Variants in HSPBAP1 observed in about 807,000 individuals in gnomAD.
HSPBAP1 encodes HSPB1-associated protein 1.
In HSPBAP1, 27 loss-of-function variants were observed where a neutral mutation model predicts 45.2. The observed-to-expected ratio is 0.60, with a 90% CI of 0.44 to 0.82. The LOEUF (loss-of-function observed/expected upper bound fraction) is 0.82. Ranked by LOEUF, HSPBAP1 falls within the 40% of genes least tolerant of loss-of-function variation. The pLI, the probability that HSPBAP1 is intolerant of heterozygous loss-of-function variation, is 0.00. For missense variants in HSPBAP1, 510 were observed against 590.9 expected, an observed-to-expected ratio of 0.86 and a Z score of 1.42; for synonymous variants, 204 against 202.7, an observed-to-expected ratio of 1.01 and a Z score of -0.06.
At chr3:122,789,797 C>G (rs573564398) in intron 1 of HSPBAP1, among the ~76,000 whole-genome samples, 5 of 152,256 alleles carry the variant, frequency 3.3e-5, no homozygotes, top group African/African-American at 1.2e-4. Context: ...CTTTCCTGCT[C>G]CCAAGCACTG....
At chr3:122,746,807 C>A (rs1426823213) in intron 6 of HSPBAP1, among the ~76,000 whole-genome samples, 1 of 152,198 alleles carries the variant, frequency 6.6e-6, no homozygotes, top group Non-Finnish European at 1.5e-5. Context: ...CGCGCGCCGC[C>A]ACGCCTGGCT....
rs1444148017 is a variant in HSPBAP1, at chr3:122,780,212, G to A, written c.65-2306C>T. The stretch of plus-strand genomic sequence containing the variant: ...TGACCCCCCCACCTCCCTCCCGGAC[G>A]GGGCGGCTGGCCGGGCGGGGGGCTG... On this transcript the variant is annotated intron_variant, in intron 1 of 7. Transcript: ENST00000306103. Among the ~76,000 whole-genome samples, 24 of 81,048 alleles carry A rather than the reference G, an allele frequency of 3.0e-4. 1 individual carries two copies. Among genetic ancestry groups the A allele is most frequent in the Non-Finnish European group, 4.9e-4 (17 of 34,756 alleles). The allele number at this position is 81,048 out of a possible 152,430, so 53.2% of individuals were successfully genotyped here. A position where few individuals can be genotyped will look rare whatever the true frequency, so the allele number is the denominator to read the frequency against.
chr3:122,759,185 C>CCA (rs10657578), intron 4 of HSPBAP1, 39 bp downstream of exon 4: 274,420 of 1,385,518 alleles, frequency 0.2, 2,519 homozygotes, highest in South Asian at 0.22. Context: ...CATGTGCGTT[C>CCA]CACACACACA....
In HSPBAP1 at chr3:122,761,576, C is replaced by A. The variant is rs576754727; in HGVS notation, c.433-2216G>T. ...CCTGGGTCCAGGAGTTCAAGACCAGCGTGGGCAATGTTTGGTGAGGCTCTG... is the reference window on the plus strand; with the variant it reads ...CCTGGGTCCAGGAGTTCAAGACCAGAGTGGGCAATGTTTGGTGAGGCTCTG... On this transcript the variant is annotated intron_variant, in intron 3 of 7. Transcript: ENST00000306103. The A allele has an allele frequency of 2.0e-5, 3 of 149,484 alleles. No homozygotes were observed. In the South Asian group the frequency reaches 6.4e-4, roughly 32 times the overall value. The allele number at this position is 149,484 out of a possible 1,614,324, so 9.3% of individuals were successfully genotyped here.
intron 6 of HSPBAP1, among the ~76,000 whole-genome samples, chr3:122,746,009 G>A (rs1472131155): frequency 6.6e-6 from 1 of 152,214 alleles, no homozygotes; most frequent in Non-Finnish European, 1.5e-5. Context: ...GAACAGAAAA[G>A]TGTTGACTGA....
chr3:122,792,659 G>A (rs869130), intron 1 of HSPBAP1, among the ~76,000 whole-genome samples: 65,875 of 146,962 alleles, frequency 0.45, 15,499 homozygotes, highest in Non-Finnish European at 0.56. Context: ...CGGATCACAA[G>A]GTCAAGAGAG....
intron 1 of HSPBAP1, among the ~76,000 whole-genome samples, chr3:122,792,340 CA>C (rs1373960531): frequency 6.6e-6 from 1 of 152,078 alleles, no homozygotes; most frequent in Non-Finnish European, 1.5e-5. Flanking sequence ...GAAAAAAGTG[CA>C]GGAAGGGACA....
At chr3:122,759,411 A>G (rs1424174732) in intron 3 of HSPBAP1, 51 bp from the exon 4 acceptor site, 1 of 1,565,458 alleles carries the variant, frequency 6.4e-7, no homozygotes, top group Non-Finnish European at 8.7e-7. Flanking sequence ...ACTTCTCTGT[A>G]TGGTAATGCT....
intron 1 of HSPBAP1, among the ~76,000 whole-genome samples, chr3:122,781,425 C>T (rs545291581): frequency 9.0e-4 from 136 of 151,834 alleles, no homozygotes; most frequent in African/African-American, 3.1e-3. Flanking sequence ...CGTGGCGGCG[C>T]GTGCCTGCAA....
chr3:122,751,363 A>G (rs1265792018), intron 6 of HSPBAP1, among the ~76,000 whole-genome samples: 1 of 152,212 alleles, frequency 6.6e-6, no homozygotes, highest in Non-Finnish European at 1.5e-5. Context: ...AGGCTTGAAG[A>G]GATTAAGTAA....
chr3:122,780,169 G>T (rs1576270998), intron 1 of HSPBAP1, among the ~76,000 whole-genome samples: 3 of 100,406 alleles, frequency 3.0e-5, no homozygotes, highest in East Asian at 2.7e-4. Flanking sequence ...GGACGGGGCG[G>T]CTGGCCGGGC....
chr3:122,786,497 A>G (rs1935661247), intron 1 of HSPBAP1: 1 of 152,218 alleles, frequency 6.6e-6, no homozygotes, highest in African/African-American at 2.4e-5. Context: ...CCTTCTATAA[A>G]TATGGACACA....
rs1318395093 is a variant in HSPBAP1 at position 122,780,420 on chromosome 3, G to A, written c.65-2514C>T. ...TCCCTCCTGGACGGGGCGGCTGGCC[G>A]GGCAGAGGGGCTCCTCACTTCCCAG... is the stretch of plus-strand genomic sequence containing the variant. On this transcript the variant is annotated intron_variant, in intron 1 of 7. Transcript: ENST00000306103. Among the ~76,000 whole-genome samples the A allele has an allele frequency of 6.9e-5, 8 of 116,192 alleles. 1 individual carries two copies. The East Asian group carries it at 7.5e-4, about 11-fold the overall frequency. 76.2% of individuals were successfully genotyped at this position (116,192 alleles called of 152,430 possible). A position where few individuals can be genotyped will look rare whatever the true frequency, so the allele number is the denominator to read the frequency against.
At chr3:122,752,811 G>T in intron 5 of HSPBAP1, 137 bp from the exon 6 acceptor site, 1 of 1,388,350 alleles carries the variant, frequency 7.2e-7, no homozygotes, top group Non-Finnish European at 9.4e-7. Flanking sequence ...GAAAAGTAAA[G>T]TAAGAAAAAA....
At chr3:122,752,321 GGT>G (rs1934180869) in intron 6 of HSPBAP1, among the ~76,000 whole-genome samples, 1 of 152,054 alleles carries the variant, frequency 6.6e-6, no homozygotes, top group Non-Finnish European at 1.5e-5. Context: ...TAACAACACT[GGT>G]CAAGGGAAAG....
chr3:122,764,072 T>C (rs1050051003), intron 3 of HSPBAP1, among the ~76,000 whole-genome samples: 1 of 152,276 alleles, frequency 6.6e-6, no homozygotes, highest in Non-Finnish European at 1.5e-5. Context: ...CTTGCCTTCC[T>C]TCCTATATGT....
At chr3:122,760,270 G>GA (rs1217812500) in intron 3 of HSPBAP1, among the ~76,000 whole-genome samples, 3 of 116,412 alleles carry the variant, frequency 2.6e-5, no homozygotes, top group South Asian at 3.2e-4. Flanking sequence ...AGCTAGAAAA[G>GA]AAAAAAAACA....
At chr3:122,792,946 T>C (rs1265771093) in intron 1 of HSPBAP1, among the ~76,000 whole-genome samples, 1 of 152,070 alleles carries the variant, frequency 6.6e-6, no homozygotes, top group Non-Finnish European at 1.5e-5. Context: ...GAAGCATTTA[T>C]GTTCTCCCCA....
chr3:122,788,608 C>T lies in HSPBAP1; in HGVS notation c.64+5009G>A, dbSNP rs999476403. Among the ~76,000 whole-genome samples the T allele has an allele frequency of 5.3e-5, 8 of 152,102 alleles. No homozygotes were observed. In the East Asian group the frequency reaches 5.8e-4, roughly 11 times the overall value. On this transcript the variant is annotated intron_variant, in intron 1 of 7. Coordinates refer to ENST00000306103, the MANE Select transcript of HSPBAP1 (RefSeq NM_024610.6). ...TTACACGTGCAATGGAACGTTATTCCGCCTTAAAAAGGAAGGAAATTCTAT... is the reference window on the plus strand; with the variant it reads ...TTACACGTGCAATGGAACGTTATTCTGCCTTAAAAAGGAAGGAAATTCTAT...
Sources: gnomAD v4.1 joint callset for allele counts (sites outside exome capture counted in the v4.1 genomes callset) on GRCh38, gnomAD v4.1.1 for gene constraint, MANE v1.5 for transcripts, NCBI Gene and HGNC (gene_info 2026-07-23, HGNC 2026-07-21) for gene names.